The following ZNF43 variants were observed in gnomAD, a reference collection of about 807,000 sequenced individuals.
ZNF43 encodes the protein zinc finger protein 39-like 1 (KOX 27).
In ZNF43, 44 loss-of-function variants were observed where a neutral mutation model predicts 68.4. The ratio of observed to expected loss-of-function variants is 0.64; its 90% CI spans 0.51 to 0.83. The LOEUF is 0.83. ZNF43 is among the 40% of genes least tolerant of loss of function. The pLI, the probability that ZNF43 is intolerant of heterozygous loss-of-function variation, is 0.00. For missense variants in ZNF43, 896 were observed against 933.2 expected, an observed-to-expected ratio of 0.96 and a Z score of 0.52; for synonymous variants, 308 against 307.8, an observed-to-expected ratio of 1.00 and a Z score of -0.01.
chr19:21,835,508 C>A (rs1431618745), intron 1 of ZNF43, among the ~76,000 whole-genome samples: 50 of 151,168 alleles, frequency 3.3e-4, no homozygotes, highest in Non-Finnish European at 4.4e-5. Flanking sequence ...CAGGCGCGCG[C>A]CACCACGCCC....
chr19:21,821,309 C>T (rs2037833600), intron 1 of ZNF43, among the ~76,000 whole-genome samples: 1 of 152,006 alleles, frequency 6.6e-6, no homozygotes, highest in African/African-American at 2.4e-5. Context: ...CTACGCCCTG[C>T]TATTTTTTTT....
At chr19:21,841,288 GGAGAGTA>G (rs1967515835) in intron 1 of ZNF43, 2 of 152,288 alleles carry the variant, frequency 1.3e-5, no homozygotes, top group African/African-American at 4.8e-5. Flanking sequence ...AAAGTAAATG[GGAGAGTA>G]ACATCACCTG....
chr19:21,824,520 T>C lies in ZNF43; in HGVS notation c.4-5299A>G, dbSNP rs970002112. On this transcript the variant is annotated intron_variant, in intron 1 of 3. Transcript: ENST00000354959. ...AGGTGTCTATGTTGATTTCTCACAA[T>C]GCAGAAAATGTCTCTTGCTAATTTT... Among the ~76,000 whole-genome samples the C allele has an allele frequency of 2.6e-4, 39 of 152,102 alleles. 1 individual carries two copies. The highest frequency in any genetic ancestry group is 1.0e-4 in the Non-Finnish European group (7 of 67,994).
rs530394879 is a variant in ZNF43, at chr19:21,828,293, A to G, written c.3+7743T>C. 6.6e-5 allele frequency among the ~76,000 whole-genome samples: 10 copies of G among 152,346 alleles called. No homozygotes were observed. The South Asian group carries it at 2.1e-3, about 32-fold the overall frequency. On this transcript the variant is annotated intron_variant, in intron 1 of 3. Coordinates refer to ENST00000354959, the MANE Select transcript of ZNF43 (RefSeq NM_003423.4). ...TATGAGTAAGAATATTAAAATAACT[A>G]TTTAGGCTAGGCATGGTGATTCATG...
At chr19:21,823,094 T>C (rs1021682115) in intron 1 of ZNF43, among the ~76,000 whole-genome samples, 3 of 152,136 alleles carry the variant, frequency 2.0e-5, no homozygotes, top group Non-Finnish European at 4.4e-5. Flanking sequence ...AGTGATGATA[T>C]CAGAAGTCAG....
chr19:21,813,218 A>G (rs1181491585), intron 3 of ZNF43, among the ~76,000 whole-genome samples: 1 of 151,608 alleles, frequency 6.6e-6, no homozygotes. Flanking sequence ...ACTCCAGCCT[A>G]GGCGACAAGA....
intron 1 of ZNF43, among the ~76,000 whole-genome samples, chr19:21,834,386 G>C (rs10413659): frequency 6.7e-6 from 1 of 149,412 alleles, no homozygotes; most frequent in Admixed American, 6.7e-5. Flanking sequence ...AAGAGGCACA[G>C]AGATTTTTAT....
At chr19:21,845,960 G>C (rs1015858864) in intron 1 of ZNF43, among the ~76,000 whole-genome samples, 1 of 151,292 alleles carries the variant, frequency 6.6e-6, no homozygotes, top group African/African-American at 2.4e-5. Context: ...GCTGGGCCCA[G>C]TGATACATCT....
In ZNF43 at chr19:21,808,846, G is replaced by T. The variant is rs770589346; in HGVS notation, c.1191C>A (p.Pro397=). 1 of 1,612,962 alleles carries T rather than the reference G, an allele frequency of 6.2e-7. No individual in the cohort carries two copies. Among genetic ancestry groups the T allele is most frequent in the Non-Finnish European group, 8.5e-7 (1 of 1,179,730 alleles). The change falls in exon 4 of 4, where the codon CCC becomes CCA. Residue 397 remains proline (P), a synonymous_variant. Transcript: ENST00000354959. ...CTTTGCCACATTCTTCACATTTGTAGGGTTTCTTTTCAGTATGAATTTTCT... is the reference window on the plus strand; with the variant it reads ...CTTTGCCACATTCTTCACATTTGTATGGTTTCTTTTCAGTATGAATTTTCT... ...KHKKIHTEKK[P]YKCEECGKAF...
In ZNF43 at chr19:21,809,642, T is replaced by C. The variant is rs758612454; in HGVS notation, c.395A>G (p.Asn132Ser). ...DECKVHRGGY[N>S]GFNQCLPATQ... ...AGCTGGCAAACATTGGTTAAATCCA[T>C]TATAACCTCCTCTGTGCACCTTACA... The change falls in exon 4 of 4, where the codon AAT (asparagine) becomes AGT (serine). Residue 132 changes from asparagine (N) to serine (S), a missense_variant. Physicochemically the swap from Asn to Ser is conservative, Grantham distance 46 (BLOSUM62 1). Transcript: ENST00000354959. 1 of 1,612,664 alleles carries C rather than the reference T, an allele frequency of 6.2e-7. No homozygotes were observed. Among genetic ancestry groups the C allele is most frequent in the Admixed American group, 1.7e-5 (1 of 59,686 alleles).
chr19:21,835,912 A>C, intron 1 of ZNF43, 124 bp downstream of exon 1: 1 of 1,522,502 alleles, frequency 6.6e-7, no homozygotes, highest in Non-Finnish European at 9.0e-7. Flanking sequence ...CTTATGGCTG[A>C]AGGGGATTGA....
At chr19:21,809,832 T>G in intron 3 of ZNF43, 25 bp from the exon 4 acceptor site, 1 of 1,499,754 alleles carries the variant, frequency 6.7e-7, no homozygotes, top group Non-Finnish European at 8.9e-7. Flanking sequence ...AATAACAAAT[T>G]ATTCCACTTG....
intron 1 of ZNF43, among the ~76,000 whole-genome samples, chr19:21,825,201 T>C (rs1435595185): frequency 1.3e-5 from 2 of 151,914 alleles, no homozygotes; most frequent in Non-Finnish European, 2.9e-5. Context: ...ACCATTGTAC[T>C]CCAGCCTGGG....
At position 21,823,104 on chromosome 19, in the gene ZNF43, G is replaced by C. The variant is rs564530676; in HGVS notation, c.4-3883C>G. ...CTTCAAGTGATGATATCAGAAGTCAGAACAATACAAAGAAAGTGGACAAAT... is the reference window on the plus strand; with the variant it reads ...CTTCAAGTGATGATATCAGAAGTCACAACAATACAAAGAAAGTGGACAAAT... On this transcript the variant is annotated intron_variant, in intron 1 of 3. Coordinates refer to ENST00000354959, the MANE Select transcript of ZNF43 (RefSeq NM_003423.4). 2.0e-5 allele frequency among the ~76,000 whole-genome samples: 3 copies of C among 152,170 alleles called. No homozygotes were observed. In the South Asian group the frequency reaches 6.2e-4, roughly 32 times the overall value.
rs750662168 is a variant in ZNF43, at chr19:21,808,708, T to C, written c.1329A>G (p.Lys443=). Residue 443 remains lysine (K), a synonymous_variant, in exon 4 of 4, where the codon AAA becomes AAG. Transcript: ENST00000354959. ...TCTCTCCAGTATGAATTCTGTTATGTTTAGTAAGGGTTGAGGGCCAGTTAA... is the reference window on the plus strand; with the variant it reads ...TCTCTCCAGTATGAATTCTGTTATGCTTAGTAAGGGTTGAGGGCCAGTTAA... The part of the protein sequence containing the change: ...KAFNWPSTLT[K]HNRIHTGEKP... 1.2e-6 allele frequency: 2 copies of C among 1,613,004 alleles called. No individual in the cohort carries two copies. The highest frequency in any genetic ancestry group is 2.7e-5 in the African/African-American group (2 of 74,774).
chr19:21,832,834 T>C (rs2038487097), intron 1 of ZNF43, among the ~76,000 whole-genome samples: 1 of 152,018 alleles, frequency 6.6e-6, no homozygotes, highest in African/African-American at 2.4e-5. Flanking sequence ...CACTGCACTC[T>C]AGTGGGGCAA....
At chr19:21,830,041 C>G (rs917429336) in intron 1 of ZNF43, among the ~76,000 whole-genome samples, 2 of 152,024 alleles carry the variant, frequency 1.3e-5, no homozygotes, top group Non-Finnish European at 2.9e-5. Flanking sequence ...CACTTGAGGT[C>G]TGGAGTTCGA....
chr19:21,809,442 C>A lies in ZNF43; in HGVS notation c.595G>T (p.Val199Leu). Residue 199 changes from valine (V) to leucine (L), a missense_variant, in exon 4 of 4, where the codon GTG (valine) becomes TTG (leucine). Transcript: ENST00000354959. ...LAQHKIIHTR[V>L]NFCKCEKCGK... ...CATTTTTCACATTTGCAGAAATTCA[C>A]TCTGGTATGAATTATTTTATGTTGA... The A allele has an allele frequency of 6.2e-7, 1 of 1,613,694 alleles. No homozygotes were observed. The highest frequency in any genetic ancestry group is 8.5e-7 in the Non-Finnish European group (1 of 1,179,858).
intron 3 of ZNF43, chr19:21,812,065 T>C (rs898366764): frequency 5.0e-6 from 2 of 398,108 alleles, no homozygotes; most frequent in African/African-American, 2.1e-5. Flanking sequence ...TCCTAGAAAA[T>C]GAGTGAAAGT....
Sources: allele counts gnomAD v4.1 joint callset (sites outside exome capture counted in the v4.1 genomes callset), GRCh38; gene constraint gnomAD v4.1.1; transcripts MANE v1.5; gene names NCBI Gene and HGNC (gene_info 2026-07-23, HGNC 2026-07-21).